The following DDX60L variants were observed in gnomAD, a reference collection of about 807,000 sequenced individuals.
DDX60L encodes probable ATP-dependent RNA helicase DDX60-like.
DDX60L carries 191 observed loss-of-function variants against 211.6 expected under a neutral mutation model. The observed-to-expected ratio is 0.90, with a 90% confidence interval of 0.80 to 1.02. The LOEUF is 1.02. Among genes scored for constraint, DDX60L ranks in the 50% least tolerant of loss-of-function variants. The probability of loss-of-function intolerance (pLI) is 0.00; values close to 1 mark genes in which losing one functional copy is unlikely to be tolerated. For synonymous variants in DDX60L, 706 were observed against 694.1 expected, an observed-to-expected ratio of 1.02 and a Z score of -0.27; for missense variants, 2,007 against 1,984.1, an observed-to-expected ratio of 1.01 and a Z score of -0.22.
rs775495735 is a variant in DDX60L at position 168,461,810 on chromosome 4, G to C, written c.495C>G (p.Ser165=). 1.9e-5 allele frequency: 31 copies of C among 1,606,608 alleles called. No homozygotes were observed. The highest frequency in any genetic ancestry group is 2.3e-5 in the Non-Finnish European group (27 of 1,175,792). ...GCACAACATTGACTTTCATTCCCCA[G>C]GAATGTATGATTAGGAAGTTAAAAA... ...TYLFNFLIIH[S]WGMKVNVVLS... The change falls in exon 5 of 38, where the codon TCC becomes TCG. Residue 165 remains serine (S), a synonymous_variant. Coordinates refer to ENST00000682922, the MANE Select transcript of DDX60L (RefSeq NM_001012967.3).
chr4:168,369,727 G>A (rs1285992090), intron 36 of DDX60L, among the ~76,000 whole-genome samples: 4 of 151,262 alleles, frequency 2.6e-5, no homozygotes, highest in Admixed American at 2.6e-4. Context: ...AAACATAACA[G>A]CAAAAAAAAT....
chr4:168,361,486 T>A, intron 36 of DDX60L: 1 of 241,534 alleles, frequency 4.1e-6, no homozygotes, highest in South Asian at 1.3e-4. Context: ...CAGATTAAAG[T>A]GAAAACAAAA....
intron 19 of DDX60L, among the ~76,000 whole-genome samples, chr4:168,417,958 A>G (rs1318858671): frequency 6.6e-6 from 1 of 152,198 alleles, no homozygotes; most frequent in Admixed American, 6.5e-5. Flanking sequence ...CTAATCTTAT[A>G]TTTTGTATCA....
At chr4:168,402,074 C>A (rs1746915049) in intron 25 of DDX60L, among the ~76,000 whole-genome samples, 1 of 149,732 alleles carries the variant, frequency 6.7e-6, no homozygotes, top group Non-Finnish European at 1.5e-5. Context: ...AGCCTAGTAA[C>A]TGGTCAGGTT....
rs1272906935 is a variant in DDX60L, at chr4:168,442,763, G to A, written c.1139-1271C>T. Among the ~76,000 whole-genome samples, 3 of 151,346 alleles carry A rather than the reference G, an allele frequency of 2.0e-5. No homozygotes were observed. In the South Asian group the frequency reaches 6.3e-4, roughly 32 times the overall value. ...AACTGGGAGGCACCCCCCAGCAGGG[G>A]CACACTGACACCTCACACGGCAGGG... is the stretch of plus-strand genomic sequence containing the variant. On this transcript the variant is annotated intron_variant, in intron 9 of 37. Transcript: ENST00000682922.
At chr4:168,385,676 G>A (rs949635535) in intron 29 of DDX60L, among the ~76,000 whole-genome samples, 12 of 152,126 alleles carry the variant, frequency 7.9e-5, no homozygotes, top group Admixed American at 6.5e-4. Flanking sequence ...AGAATTGACT[G>A]CTCACTCGGT....
In DDX60L at chr4:168,460,726, G is replaced by A. The variant is rs1004878831; in HGVS notation, c.606+973C>T. On this transcript the variant is annotated intron_variant, in intron 5 of 37. Coordinates refer to ENST00000682922, the MANE Select transcript of DDX60L (RefSeq NM_001012967.3). ...TTCCATTCTGACACTAACTACCCTGGGTTAAGGCAGGCCGCACAGGGTAAG... is the reference window on the plus strand; with the variant it reads ...TTCCATTCTGACACTAACTACCCTGAGTTAAGGCAGGCCGCACAGGGTAAG... Among the ~76,000 whole-genome samples, 8 of 152,228 alleles carry A rather than the reference G, an allele frequency of 5.3e-5. No homozygotes were observed. The East Asian group carries it at 1.5e-3, about 29-fold the overall frequency.
intron 11 of DDX60L, 77 bp from the exon 12 acceptor site, chr4:168,432,647 G>A: frequency 1.3e-6 from 1 of 785,570 alleles, no homozygotes; most frequent in Non-Finnish European, 1.9e-6. Flanking sequence ...TGTGATAACA[G>A]AAATTGTACA....
At chr4:168,472,046 A>T in intron 3 of DDX60L, 110 bp from the exon 4 acceptor site, 1 of 774,874 alleles carries the variant, frequency 1.3e-6, no homozygotes, top group South Asian at 1.8e-5. Context: ...ACCTCATGCC[A>T]GTCCATGATG....
chr4:168,387,569 T>C (rs1744119674), intron 29 of DDX60L, among the ~76,000 whole-genome samples: 1 of 152,206 alleles, frequency 6.6e-6, no homozygotes, highest in Non-Finnish European at 1.5e-5. Context: ...TAAAACTCTG[T>C]TTTGCCTCTG....
intron 6 of DDX60L, 68 bp downstream of exon 6, chr4:168,457,824 A>T: frequency 3.1e-6 from 3 of 960,200 alleles, no homozygotes; most frequent in Non-Finnish European, 4.7e-6. Flanking sequence ...GACTGAACTA[A>T]TCACAAGTTC....
At chr4:168,366,805 T>C (rs1246574566) in intron 36 of DDX60L, among the ~76,000 whole-genome samples, 1 of 151,910 alleles carries the variant, frequency 6.6e-6, no homozygotes, top group Non-Finnish European at 1.5e-5. Context: ...AATGAAACAG[T>C]AGAAAACCCA....
Position 168,462,115 on chromosome 4 carries a change from G to A in DDX60L, c.265-75C>T, listed in dbSNP as rs568355355. The A allele has an allele frequency of 2.1e-4, 243 of 1,131,796 alleles. 1 individual carries two copies. The highest frequency in any genetic ancestry group is 2.5e-4 in the Non-Finnish European group (202 of 801,150). 70.1% of individuals were successfully genotyped at this position (1,131,796 alleles called of 1,614,324 possible). On this transcript the variant is annotated intron_variant, in intron 4 of 37. Transcript: ENST00000682922. ...TTATTTGTTAATTTTGTTGCTTACA[G>A]CACAAAGCTATACAGGACTGAACTC...
In DDX60L at chr4:168,359,893, T is replaced by C. The variant is rs77711903; in HGVS notation, c.4991+1256A>G. ...GCCTATCCCCGAATACATCAGGACCTTTAATATTTCTGCACATTTGGATAC... is the reference window on the plus strand; with the variant it reads ...GCCTATCCCCGAATACATCAGGACCCTTAATATTTCTGCACATTTGGATAC... On this transcript the variant is annotated intron_variant, in intron 37 of 37. Coordinates refer to ENST00000682922, the MANE Select transcript of DDX60L (RefSeq NM_001012967.3). Among the ~76,000 whole-genome samples the C allele has an allele frequency of 3.6e-4, 55 of 152,304 alleles. No individual in the cohort carries two copies. The East Asian group carries it at 9.3e-3, about 26-fold the overall frequency.
chr4:168,421,232 T>A (rs1211991466), intron 17 of DDX60L, among the ~76,000 whole-genome samples: 1 of 152,274 alleles, frequency 6.6e-6, no homozygotes, highest in African/African-American at 2.4e-5. Flanking sequence ...TGTAAATTTT[T>A]AAAAAATTAA....
chr4:168,398,821 T>C (rs1746280209), intron 26 of DDX60L, among the ~76,000 whole-genome samples: 1 of 150,266 alleles, frequency 6.7e-6, no homozygotes, highest in Admixed American at 6.6e-5. Flanking sequence ...GGAGGGGAGC[T>C]ACCCACTCCA....
At chr4:168,370,522 G>A (rs867540700) in intron 36 of DDX60L, among the ~76,000 whole-genome samples, 4 of 152,028 alleles carry the variant, frequency 2.6e-5, no homozygotes, top group African/African-American at 9.7e-5. Flanking sequence ...TTATTGCACA[G>A]TAAGGTACGT....
chr4:168,473,935 T>C (rs1327271525), intron 1 of DDX60L, among the ~76,000 whole-genome samples: 2 of 152,178 alleles, frequency 1.3e-5, no homozygotes, highest in Admixed American at 1.3e-4. Flanking sequence ...ATAGCCAAAG[T>C]AAGTACAGTC....
intron 10 of DDX60L, among the ~76,000 whole-genome samples, chr4:168,433,903 CT>C (rs1235036299): frequency 6.6e-6 from 1 of 152,134 alleles, no homozygotes; most frequent in Admixed American, 6.5e-5. Context: ...ATAAGTTGTA[CT>C]TATACTAGTT....
Sources: allele counts gnomAD v4.1 joint callset (sites outside exome capture counted in the v4.1 genomes callset), GRCh38; gene constraint gnomAD v4.1.1; transcripts MANE v1.5; gene names NCBI Gene and HGNC (gene_info 2026-07-23, HGNC 2026-07-21).